Variants in TRERF1 observed in about 807,000 individuals in gnomAD.
TRERF1 encodes transcriptional regulating factor 1, also known as transcriptional-regulating factor 1.
A neutral mutation model predicts 122.9 loss-of-function variants in TRERF1; 27 were observed. The observed-to-expected ratio is 0.22, with a 90% confidence interval of 0.16 to 0.30. TRERF1 has a LOEUF of 0.30. Among genes scored for constraint, TRERF1 ranks in the 10% least tolerant of loss-of-function variants. The probability of loss-of-function intolerance (pLI) is 1.00; values close to 1 mark genes in which losing one functional copy is unlikely to be tolerated. For missense variants in TRERF1, 1,248 were observed against 1,560.3 expected, an observed-to-expected ratio of 0.80 and a Z score of 3.37; for synonymous variants, 636 against 641.7, an observed-to-expected ratio of 0.99 and a Z score of 0.13.
intron 3 of TRERF1, among the ~76,000 whole-genome samples, chr6:42,360,681 C>G (rs1389925389): frequency 6.6e-6 from 1 of 151,362 alleles, no homozygotes; most frequent in Non-Finnish European, 1.5e-5. Context: ...CTACACACCC[C>G]CAGCCTCCCC....
chr6:42,351,830 C>G (rs112721026), intron 3 of TRERF1, among the ~76,000 whole-genome samples: 1 of 152,104 alleles, frequency 6.6e-6, no homozygotes, highest in African/African-American at 2.4e-5. Context: ...CAAACAGACA[C>G]AGGGGACTCC....
chr6:42,278,769 C>T (rs987243483), intron 4 of TRERF1, among the ~76,000 whole-genome samples: 1 of 152,182 alleles, frequency 6.6e-6, no homozygotes, highest in Non-Finnish European at 1.5e-5. Context: ...CTTTCATGAT[C>T]ACATGTGTCC....
At chr6:42,364,613 A>G (rs1772378084) in intron 2 of TRERF1, among the ~76,000 whole-genome samples, 1 of 152,200 alleles carries the variant, frequency 6.6e-6, no homozygotes, top group Non-Finnish European at 1.5e-5. Flanking sequence ...CAGACAGATA[A>G]GGACTGAAGT....
At chr6:42,440,784 A>G (rs1334987431) in intron 2 of TRERF1, among the ~76,000 whole-genome samples, 1 of 152,138 alleles carries the variant, frequency 6.6e-6, no homozygotes, top group East Asian at 1.9e-4. Flanking sequence ...ACAAAATCCA[A>G]CAAGCAGCTT....
At chr6:42,291,635 G>A (rs542241472) in intron 4 of TRERF1, among the ~76,000 whole-genome samples, 2 of 151,868 alleles carry the variant, frequency 1.3e-5, no homozygotes, top group South Asian at 2.1e-4. Flanking sequence ...CTGGGTTCAC[G>A]CCATTCTCCT....
At position 42,243,275 on chromosome 6, in the gene TRERF1, G is replaced by GCGTGTC. The variant is rs746513916; in HGVS notation, c.2826_2831dup (p.Thr943_Arg944dup). On this transcript the variant is annotated inframe_insertion, in exon 15 of 18. Transcript: ENST00000372922. The stretch of plus-strand genomic sequence containing the variant: ...CACAATCGTCGATGATTTCTGCCAG[G>GCGTGTC]CGTGTCCGGTGTTTCCGCCCCAGCC... The GCGTGTC allele has an allele frequency of 3.1e-6, 5 of 1,614,108 alleles. No individual in the cohort carries two copies. The East Asian group carries it at 1.1e-4, about 36-fold the overall frequency.
intron 2 of TRERF1, among the ~76,000 whole-genome samples, chr6:42,383,231 GA>G (rs1776252054): frequency 6.6e-6 from 1 of 151,964 alleles, no homozygotes; most frequent in Admixed American, 6.6e-5. Context: ...ACCTTGTCTT[GA>G]AAAACAAAAA....
intron 3 of TRERF1, among the ~76,000 whole-genome samples, chr6:42,304,412 G>T (rs1163467142): frequency 6.6e-6 from 1 of 152,214 alleles, no homozygotes. Flanking sequence ...TGAGCACGCT[G>T]CCCCTGCTCC....
chr6:42,259,607 G>A lies in TRERF1; in HGVS notation c.2001C>T (p.Pro667=), dbSNP rs978051178. ...AGGCAGCGGGGTTCGGGTTGTAGGA[G>A]GGCGGCGGCGGGATGAAGAGAGGTT... Residue 667 remains proline (P), a synonymous_variant, in exon 9 of 18, where the codon CCC becomes CCT. Transcript: ENST00000372922. The surrounding 1 kb of genome is among the most constrained non-coding windows in gnomAD (Gnocchi z 4.9). The A allele has an allele frequency of 3.1e-6, 5 of 1,613,742 alleles. No individual in the cohort carries two copies. Among genetic ancestry groups the A allele is most frequent in the Non-Finnish European group, 3.4e-6 (4 of 1,179,970 alleles).
intron 3 of TRERF1, among the ~76,000 whole-genome samples, chr6:42,318,014 C>T (rs1482479615): frequency 4.0e-5 from 6 of 151,786 alleles, no homozygotes; most frequent in South Asian, 4.2e-4. Context: ...ATTAGCTGGG[C>T]GTGGTGGCAG....
chr6:42,424,917 C>T (rs1783371574), intron 2 of TRERF1, among the ~76,000 whole-genome samples: 1 of 152,230 alleles, frequency 6.6e-6, no homozygotes, highest in Non-Finnish European at 1.5e-5. Flanking sequence ...GCATACTGTG[C>T]AAGTGGCACA....
chr6:42,316,526 G>T (rs1250631344), intron 3 of TRERF1, among the ~76,000 whole-genome samples: 1 of 152,198 alleles, frequency 6.6e-6, no homozygotes, highest in Non-Finnish European at 1.5e-5. Flanking sequence ...CCTTTGCAAA[G>T]ATTATGACAG....
At chr6:42,420,332 G>A (rs1782577644) in intron 2 of TRERF1, among the ~76,000 whole-genome samples, 1 of 152,166 alleles carries the variant, frequency 6.6e-6, no homozygotes, top group African/African-American at 2.4e-5. Flanking sequence ...GTCTCTGCAG[G>A]GAGGATGGGC....
intron 2 of TRERF1, among the ~76,000 whole-genome samples, chr6:42,370,070 C>T (rs1480850379): frequency 6.6e-6 from 1 of 152,126 alleles, no homozygotes; most frequent in African/African-American, 2.4e-5. Flanking sequence ...GATATACCAG[C>T]AACTATTCAA....
rs187427267 is a variant in TRERF1 at position 42,304,945 on chromosome 6, C to T, written c.-370-4196G>A. 2.0e-5 allele frequency among the ~76,000 whole-genome samples: 3 copies of T among 152,298 alleles called. No individual in the cohort carries two copies. The East Asian group carries it at 5.8e-4, about 29-fold the overall frequency. On this transcript the variant is annotated intron_variant, in intron 3 of 17. Coordinates refer to ENST00000372922, the Ensembl canonical transcript of TRERF1. The stretch of plus-strand genomic sequence containing the variant: ...CAGCTCCACCATAATGATTAGGGTC[C>T]TCTTGGACAAACAGCCGAATCCCAG...
At chr6:42,378,547 C>T (rs1021692268) in intron 2 of TRERF1, among the ~76,000 whole-genome samples, 17 of 152,140 alleles carry the variant, frequency 1.1e-4, no homozygotes, top group African/African-American at 4.1e-4. Flanking sequence ...ATTTCAAATG[C>T]AGAGGTCTAC....
chr6:42,249,469 C>T (rs536797426), intron 13 of TRERF1, among the ~76,000 whole-genome samples: 1 of 152,350 alleles, frequency 6.6e-6, no homozygotes, highest in African/African-American at 2.4e-5. Flanking sequence ...GATGCAACTC[C>T]ACTGGTGATG....
rs115298260 is a variant in TRERF1, at chr6:42,300,783, T to A, written c.-370-34A>T. The A allele has an allele frequency of 7.3e-3, 1,118 of 152,752 alleles. 5 individuals carry two copies. The highest frequency in any genetic ancestry group is 0.014 in the Admixed American group (210 of 15,294). The allele number at this position is 152,752 out of a possible 1,614,324, so 9.5% of individuals were successfully genotyped here. On this transcript the variant is annotated intron_variant, in intron 3 of 17. Coordinates refer to ENST00000372922, the Ensembl canonical transcript of TRERF1. Reference sequence around the variant, plus strand: ...AAAAGAAAAAGGAAAGGTCATTTCCTCATCATTTGCTCCTAGCTCTTCATC... The same window carrying A: ...AAAAGAAAAAGGAAAGGTCATTTCCACATCATTTGCTCCTAGCTCTTCATC...
chr6:42,450,174 G>T (rs1788214727), intron 2 of TRERF1, among the ~76,000 whole-genome samples: 1 of 152,226 alleles, frequency 6.6e-6, no homozygotes, highest in African/African-American at 2.4e-5. Context: ...TCTCCAGTCA[G>T]TGAGCATCAA....
Sources: gnomAD v4.1 joint callset for allele counts (sites outside exome capture counted in the v4.1 genomes callset) on GRCh38, gnomAD v4.1.1 for gene constraint, Gnocchi (gnomAD v3.1) non-coding constraint, MANE v1.5 for transcripts, NCBI Gene and HGNC (gene_info 2026-07-23, HGNC 2026-07-21) for gene names.